PRKAG2: variants seen among roughly 807,000 people sequenced by gnomAD.
PRKAG2 encodes protein kinase AMP-activated non-catalytic subunit gamma 2.
A neutral mutation model predicts 69.6 loss-of-function variants in PRKAG2; 26 were observed. The observed-to-expected ratio is 0.37, with a 90% CI of 0.27 to 0.52. PRKAG2 has a LOEUF of 0.52. PRKAG2 is among the 20% of genes least tolerant of loss of function. The pLI is 0.90. For missense variants in PRKAG2, 557 were observed against 740.0 expected (o/e 0.75, Z 2.87); for synonymous variants, 293 against 285.0 (o/e 1.03, Z -0.28).
chr7:151,859,159 T>C (rs1252106713), intron 1 of PRKAG2, among the ~76,000 whole-genome samples: 2 of 152,242 alleles, frequency 1.3e-5, no homozygotes, highest in African/African-American at 2.4e-5. Flanking sequence ...AAACAGCCGA[T>C]ACCACATCTG....
At chr7:151,629,339 C>T (rs1823813247) in intron 5 of PRKAG2, among the ~76,000 whole-genome samples, 1 of 152,140 alleles carries the variant, frequency 6.6e-6, no homozygotes, top group Non-Finnish European at 1.5e-5. Flanking sequence ...ACCTAGAGAA[C>T]TGGAATCTGC....
At chr7:151,873,969 T>C (rs1025775457) in intron 1 of PRKAG2, among the ~76,000 whole-genome samples, 3 of 149,292 alleles carry the variant, frequency 2.0e-5, no homozygotes, top group Admixed American at 1.3e-4. Flanking sequence ...TATATGTATA[T>C]GTATATGATG....
At position 151,567,930 on chromosome 7, in the gene PRKAG2, T is replaced by C. The variant is rs1342641265; in HGVS notation, c.1233+786A>G. Among the ~76,000 whole-genome samples the C allele has an allele frequency of 6.6e-6, 1 of 152,242 alleles. No individual in the cohort carries two copies. The highest frequency in any genetic ancestry group is 2.4e-5 in the African/African-American group (1 of 41,460). On this transcript the variant is annotated intron_variant, in intron 11 of 15. Transcript: ENST00000287878. The surrounding 1 kb of genome is among the most constrained non-coding windows in gnomAD (Gnocchi z 4.2). The stretch of plus-strand genomic sequence containing the variant: ...GGGGAGGAAAATGGGAAAGCTAATT[T>C]GAAGTACATTTTTAATATCTGTTAC...
At chr7:151,767,046 T>C (rs1319925098) in intron 3 of PRKAG2, among the ~76,000 whole-genome samples, 2 of 152,106 alleles carry the variant, frequency 1.3e-5, no homozygotes, top group Admixed American at 6.5e-5. Context: ...CGTAGTCCAA[T>C]AGGGATAGTC....
intron 6 of PRKAG2, among the ~76,000 whole-genome samples, chr7:151,591,199 C>G (rs569169950): frequency 6.7e-6 from 1 of 149,104 alleles, no homozygotes; most frequent in African/African-American, 2.5e-5. Context: ...ACCCACAGCC[C>G]CTGCCTGGAC....
rs1407655242 is a variant in PRKAG2 at position 151,855,067 on chromosome 7, C to T, written c.114+21440G>A. Among the ~76,000 whole-genome samples, 6 of 59,002 alleles carry T rather than the reference C, an allele frequency of 1.0e-4. 1 individual carries two copies. Among genetic ancestry groups the T allele is most frequent in the Admixed American group, 3.6e-4 (2 of 5,610 alleles). The allele number at this position is 59,002 out of a possible 152,430, so 38.7% of individuals were successfully genotyped here. Reference sequence around the variant, plus strand: ...ACCGCCCTCCACACACACCATCCTCCACACACACCATCCTCCACACACACC... The same window carrying T: ...ACCGCCCTCCACACACACCATCCTCTACACACACCATCCTCCACACACACC... On this transcript the variant is annotated intron_variant, in intron 1 of 15. Coordinates refer to ENST00000287878, the MANE Select transcript of PRKAG2 (RefSeq NM_016203.4).
intron 3 of PRKAG2, among the ~76,000 whole-genome samples, chr7:151,772,977 A>G (rs1008654028): frequency 5.1e-5 from 7 of 136,588 alleles, no homozygotes; most frequent in Admixed American, 7.9e-5. Context: ...CCCTGTCTCT[A>G]AATGAATGAA....
chr7:151,602,943 A>C (rs1428739923), intron 5 of PRKAG2, among the ~76,000 whole-genome samples: 1 of 152,248 alleles, frequency 6.6e-6, no homozygotes, highest in African/African-American at 2.4e-5. Context: ...AGGCCCCTCC[A>C]GCCATGCAGA....
chr7:151,622,557 T>C (rs1199782906), intron 5 of PRKAG2, among the ~76,000 whole-genome samples: 2 of 152,166 alleles, frequency 1.3e-5, no homozygotes, highest in African/African-American at 4.8e-5. Context: ...TGGGAGGCAA[T>C]GGAGAAGACA....
At chr7:151,848,427 G>C (rs1402188378) in intron 1 of PRKAG2, among the ~76,000 whole-genome samples, 3 of 148,464 alleles carry the variant, frequency 2.0e-5, no homozygotes, top group Non-Finnish European at 4.5e-5. Context: ...TCCAGAACTG[G>C]AAATAAATTT....
At chr7:151,772,969 C>T (rs1177825833) in intron 3 of PRKAG2, among the ~76,000 whole-genome samples, 1 of 147,520 alleles carries the variant, frequency 6.8e-6, no homozygotes, top group Non-Finnish European at 1.5e-5. Flanking sequence ...GACAGAGACC[C>T]TGTCTCTAAA....
chr7:151,657,136 C>CA (rs11307580), intron 4 of PRKAG2, among the ~76,000 whole-genome samples: 47 of 145,940 alleles, frequency 3.2e-4, no homozygotes, highest in Middle Eastern at 7.0e-3. Flanking sequence ...GACTCCATCT[C>CA]AAAAAAAAAA....
At chr7:151,602,109 C>T (rs1275815556) in intron 5 of PRKAG2, among the ~76,000 whole-genome samples, 5 of 152,234 alleles carry the variant, frequency 3.3e-5, no homozygotes, top group Non-Finnish European at 5.9e-5. Context: ...CTAAGGATGA[C>T]GCTCCTCGCG....
chr7:151,826,552 C>T (rs2078909027), intron 1 of PRKAG2, among the ~76,000 whole-genome samples: 2 of 152,154 alleles, frequency 1.3e-5, no homozygotes, highest in African/African-American at 4.8e-5. Flanking sequence ...TTCCCTCTCA[C>T]CTTCCCTTCC....
At chr7:151,615,626 C>G (rs763203180) in intron 5 of PRKAG2, among the ~76,000 whole-genome samples, 1 of 152,088 alleles carries the variant, frequency 6.6e-6, no homozygotes, top group South Asian at 2.1e-4. Context: ...AGTGAAGAGA[C>G]AACCTACAGA....
At chr7:151,779,896 C>T (rs1282548030) in intron 3 of PRKAG2, among the ~76,000 whole-genome samples, 2 of 152,016 alleles carry the variant, frequency 1.3e-5, no homozygotes, top group South Asian at 2.1e-4. Flanking sequence ...CATCTCTAGA[C>T]GATGTTTATA....
chr7:151,612,131 A>G (rs1230462550), intron 5 of PRKAG2, among the ~76,000 whole-genome samples: 1 of 152,108 alleles, frequency 6.6e-6, no homozygotes, highest in Non-Finnish European at 1.5e-5. Flanking sequence ...AGCTGAATTA[A>G]ATGCAGTGCT....
chr7:151,751,377 G>A (rs1333492375), intron 3 of PRKAG2, among the ~76,000 whole-genome samples: 1 of 151,928 alleles, frequency 6.6e-6, no homozygotes, highest in Non-Finnish European at 1.5e-5. Context: ...GCCTCCCAAA[G>A]TGCTGGGATT....
intron 4 of PRKAG2, among the ~76,000 whole-genome samples, chr7:151,649,588 G>T (rs1828125589): frequency 6.6e-6 from 1 of 152,126 alleles, no homozygotes; most frequent in South Asian, 2.1e-4. Context: ...GGAGGTGATT[G>T]GATCATGGGG....
Sources: gnomAD v4.1 joint callset for allele counts (sites outside exome capture counted in the v4.1 genomes callset) on GRCh38, gnomAD v4.1.1 for gene constraint, Gnocchi (gnomAD v3.1) non-coding constraint, MANE v1.5 for transcripts, NCBI Gene and HGNC (gene_info 2026-07-23, HGNC 2026-07-21) for gene names.